The following GALK2 variants were observed in gnomAD, a reference collection of about 807,000 sequenced individuals.
The protein encoded by GALK2 is galactokinase 2.
Under a neutral mutation model 52.4 loss-of-function variants are expected in GALK2, and 36 were observed. That is an observed-to-expected ratio of 0.69 (90% confidence interval 0.53 to 0.91). The LOEUF (loss-of-function observed/expected upper bound fraction) is 0.91. GALK2 is among the 40% of genes least tolerant of loss of function. GALK2 has a pLI of 0.00. For missense variants in GALK2, 579 were observed against 559.1 expected (o/e 1.04, Z -0.36); for synonymous variants, 176 against 199.1 (o/e 0.88, Z 0.98).
At chr15:49,210,215 G>A (rs2088711887) in intron 2 of GALK2, among the ~76,000 whole-genome samples, 1 of 151,524 alleles carries the variant, frequency 6.6e-6, no homozygotes, top group South Asian at 2.1e-4. Context: ...ATTTATTTGT[G>A]TGTTCTCTTT....
intron 3 of GALK2, 140 bp downstream of exon 3, chr15:49,217,453 C>A (rs180909025): frequency 2.5e-6 from 2 of 808,620 alleles, no homozygotes; most frequent in Non-Finnish European, 3.9e-6. Context: ...ATTCTAAGGC[C>A]ATTATTTATT....
At chr15:49,258,240 A>G (rs2141603501) in intron 5 of GALK2, among the ~76,000 whole-genome samples, 1 of 152,218 alleles carries the variant, frequency 6.6e-6, no homozygotes, top group Non-Finnish European at 1.5e-5. Context: ...TTAAGTGGGG[A>G]AAGAAGGGTG....
intron 4 of GALK2, among the ~76,000 whole-genome samples, chr15:49,237,301 C>G (rs1168359691): frequency 6.6e-6 from 1 of 152,132 alleles, no homozygotes; most frequent in African/African-American, 2.4e-5. Context: ...CTTTCAAATT[C>G]AAATACTAGA....
chr15:49,337,966 C>T (rs1385080657), intron 3 of GALK2, among the ~76,000 whole-genome samples: 2 of 152,126 alleles, frequency 1.3e-5, no homozygotes, highest in African/African-American at 2.4e-5. Context: ...AATAAACATA[C>T]GTGTGCATGT....
chr15:49,364,478 G>A (rs1478468680), intron 3 of GALK2, among the ~76,000 whole-genome samples: 1 of 151,770 alleles, frequency 6.6e-6, no homozygotes, highest in African/African-American at 2.4e-5. Context: ...TTCTGATTGT[G>A]TTTATTTCTA....
At chr15:49,172,559 T>G (rs1461344623) in intron 1 of GALK2, among the ~76,000 whole-genome samples, 1 of 152,208 alleles carries the variant, frequency 6.6e-6, no homozygotes, top group Non-Finnish European at 1.5e-5. Flanking sequence ...GAATGAATGG[T>G]CAGCCTGCTT....
At chr15:49,177,775 G>A in intron 1 of GALK2, 3 of 656,612 alleles carry the variant, frequency 4.6e-6, no homozygotes, top group Non-Finnish European at 7.1e-6. Flanking sequence ...CCACTGGGTG[G>A]CAGGATTTTT....
chr15:49,321,489 A>G (rs1353687504), intron 9 of GALK2, among the ~76,000 whole-genome samples: 2 of 152,342 alleles, frequency 1.3e-5, no homozygotes, highest in South Asian at 2.1e-4. Flanking sequence ...CTGTGTGGGT[A>G]TAAGAGAGAA....
chr15:49,343,936 T>A (rs953675127), intron 3 of GALK2: 4 of 152,198 alleles, frequency 2.6e-5, no homozygotes, highest in African/African-American at 9.6e-5. Flanking sequence ...TATTTAAAAA[T>A]AAAACATCCT....
chr15:49,192,796 T>C lies in GALK2; in HGVS notation c.54-8366T>C, dbSNP rs77881162. Among the ~76,000 whole-genome samples, 7 of 151,818 alleles carry C rather than the reference T, an allele frequency of 4.6e-5. No homozygotes were observed. In the East Asian group the frequency reaches 1.4e-3, roughly 29 times the overall value. On this transcript the variant is annotated intron_variant, in intron 1 of 9. Coordinates refer to ENST00000560031, the MANE Select transcript of GALK2 (RefSeq NM_002044.4). The stretch of plus-strand genomic sequence containing the variant: ...TCTAAAAGTTAAGGCTGAACATCTT[T>C]TCATATGTTTAAGGGCCTTTTAAAA...
chr15:49,192,850 A>G (rs1305893682), intron 1 of GALK2, among the ~76,000 whole-genome samples: 2 of 152,024 alleles, frequency 1.3e-5, no homozygotes, highest in African/African-American at 4.8e-5. Context: ...AGGTCACCCT[A>G]TGTGGCCTAA....
chr15:49,172,142 G>GTAA (rs2085145427), intron 1 of GALK2, among the ~76,000 whole-genome samples: 1 of 152,168 alleles, frequency 6.6e-6, no homozygotes, highest in African/African-American at 2.4e-5. Context: ...TTATGTGATT[G>GTAA]TAATAATAAA....
chr15:49,328,360 C>CTATT lies in GALK2; in HGVS notation c.*202_*205dup. 1 of 1,427,776 alleles carries CTATT rather than the reference C, an allele frequency of 7.0e-7. No homozygotes were observed. Among genetic ancestry groups the CTATT allele is most frequent in the Non-Finnish European group, 9.1e-7 (1 of 1,094,396 alleles). 88.4% of individuals were successfully genotyped at this position (1,427,776 alleles called of 1,614,324 possible). A position where few individuals can be genotyped will look rare whatever the true frequency, so the allele number is the denominator to read the frequency against. ...TTTTCCATCTTAAAATATGGTTTTA[C>CTATT]TATTAAGAGCCAAGATCATGCTTGG... is the stretch of plus-strand genomic sequence containing the variant. On this transcript the variant is annotated 3_prime_UTR_variant, in exon 10 of 10. Transcript: ENST00000560031.
chr15:49,282,476 A>G (rs2032841452), intron 6 of GALK2, among the ~76,000 whole-genome samples: 1 of 152,164 alleles, frequency 6.6e-6, no homozygotes, highest in African/African-American at 2.4e-5. Flanking sequence ...TTAAACCCAA[A>G]TCATAGTTCT....
intron 3 of GALK2, among the ~76,000 whole-genome samples, chr15:49,362,132 T>C (rs184297904): frequency 1.2e-4 from 19 of 152,098 alleles, no homozygotes; most frequent in Middle Eastern, 3.4e-3. Context: ...CTTATTAACA[T>C]AGTTTGGCTC....
chr15:49,280,884 T>A (rs1362161855), intron 5 of GALK2, among the ~76,000 whole-genome samples: 1 of 152,180 alleles, frequency 6.6e-6, no homozygotes, highest in African/African-American at 2.4e-5. Context: ...GTCACCAGGC[T>A]GGAGTGCAGT....
chr15:49,228,688 T>TATATATATATG, intron 3 of GALK2, among the ~76,000 whole-genome samples: 2 of 10,450 alleles, frequency 1.9e-4, no homozygotes, highest in Non-Finnish European at 1.8e-4. Flanking sequence ...TATATATATA[T>TATATATATATG]TTTTTTTTTT....
chr15:49,365,239 T>A (rs565697783), intron 3 of GALK2: 1 of 1,097,894 alleles, frequency 9.1e-7, no homozygotes, highest in Admixed American at 1.7e-5. Context: ...TTTCCTTACA[T>A]TTCCAGGCAA....
intron 3 of GALK2, among the ~76,000 whole-genome samples, chr15:49,357,487 G>C (rs964166794): frequency 2.0e-5 from 3 of 152,128 alleles, no homozygotes; most frequent in African/African-American, 7.2e-5. Context: ...AAATCTAGAA[G>C]AAATAATGGA....
Sources: gnomAD v4.1 joint callset for allele counts (sites outside exome capture counted in the v4.1 genomes callset) on GRCh38, gnomAD v4.1.1 for gene constraint, MANE v1.5 for transcripts, NCBI Gene and HGNC (gene_info 2026-07-23, HGNC 2026-07-21) for gene names.